The following EXOC6 variants were observed in gnomAD, a reference collection of about 807,000 sequenced individuals.
The protein encoded by EXOC6 is SEC15-like 1.
In EXOC6, 60 loss-of-function variants were observed where a neutral mutation model predicts 112.5. That is an observed-to-expected ratio of 0.53 (90% CI 0.43 to 0.66). The LOEUF is 0.66. EXOC6 is among the 30% of genes least tolerant of loss of function. The pLI is 0.00. For synonymous variants in EXOC6, 295 were observed against 308.0 expected, an observed-to-expected ratio of 0.96 and a Z score of 0.44; for missense variants, 855 against 957.1, an observed-to-expected ratio of 0.89 and a Z score of 1.41.
chr10:92,918,029 C>T (rs1038346351), intron 7 of EXOC6, among the ~76,000 whole-genome samples: 4 of 152,146 alleles, frequency 2.6e-5, no homozygotes, highest in Admixed American at 1.3e-4. Context: ...CCTGTATTCC[C>T]AGCTACTGGG....
chr10:92,999,045 T>C (rs1216799174), intron 19 of EXOC6, among the ~76,000 whole-genome samples: 1 of 152,078 alleles, frequency 6.6e-6, no homozygotes, highest in East Asian at 1.9e-4. Flanking sequence ...CTAATTTTTG[T>C]ATTTTTAGTA....
chr10:92,848,866 C>T (rs1240006206), intron 1 of EXOC6, among the ~76,000 whole-genome samples: 1 of 152,076 alleles, frequency 6.6e-6, no homozygotes, highest in Non-Finnish European at 1.5e-5. Context: ...AGCTGTCACC[C>T]CGCAGCCGGT....
At chr10:93,020,678 A>G (rs1039019161) in intron 20 of EXOC6, among the ~76,000 whole-genome samples, 2 of 152,148 alleles carry the variant, frequency 1.3e-5, no homozygotes, top group Non-Finnish European at 2.9e-5. Flanking sequence ...ATCTTTTGCC[A>G]TTGAGTTACT....
intron 13 of EXOC6, among the ~76,000 whole-genome samples, chr10:92,947,809 C>CA (rs1564853181): frequency 6.6e-6 from 1 of 152,118 alleles, no homozygotes; most frequent in Non-Finnish European, 1.5e-5. Context: ...GAGGCTGAGG[C>CA]AGCAGAATCA....
intron 6 of EXOC6, 88 bp from the exon 7 acceptor site, chr10:92,915,670 A>G (rs1193209793): frequency 2.2e-6 from 2 of 923,808 alleles, no homozygotes; most frequent in East Asian, 3.1e-5. Flanking sequence ...CATTAAAAAG[A>G]TAAAAAAAAA....
intron 18 of EXOC6, among the ~76,000 whole-genome samples, chr10:92,984,300 T>C (rs1486865460): frequency 6.6e-6 from 1 of 152,188 alleles, no homozygotes; most frequent in East Asian, 1.9e-4. Flanking sequence ...TTTTTCCTTT[T>C]TGATGAGTGA....
intron 14 of EXOC6, among the ~76,000 whole-genome samples, chr10:92,949,133 GT>G (rs1200967954): frequency 6.6e-6 from 1 of 151,990 alleles, no homozygotes; most frequent in Non-Finnish European, 1.5e-5. Context: ...CTTTATTCTT[GT>G]TTTTTTCTCC....
chr10:92,987,217 C>T (rs1843043140), intron 18 of EXOC6, among the ~76,000 whole-genome samples: 1 of 152,170 alleles, frequency 6.6e-6, no homozygotes, highest in Non-Finnish European at 1.5e-5. Context: ...TGAAGCTTAA[C>T]AAGCTGCATT....
chr10:93,058,335 G>GGTATGC lies in EXOC6; in HGVS notation c.2400_2401insCGTATG (p.Met800_Ser801insArgMet). ...GAAACAGCTGAGAAGTTTGGTGAAT[G>GGTATGC]GTATGTCCCAGCACATGTAGACCTC... On this transcript the variant is annotated inframe_insertion, in exon 22 of 22. Transcript: ENST00000260762. The GGTATGC allele has an allele frequency of 6.2e-7, 1 of 1,610,946 alleles. No individual in the cohort carries two copies. The highest frequency in any genetic ancestry group is 8.5e-7 in the Non-Finnish European group (1 of 1,179,386).
intron 6 of EXOC6, among the ~76,000 whole-genome samples, chr10:92,911,927 C>CGTG (rs1564823499): frequency 4.0e-5 from 4 of 99,512 alleles, no homozygotes; most frequent in Admixed American, 1.2e-4. Flanking sequence ...CTCTCTCTCT[C>CGTG]TCTCTGTGTG....
intron 20 of EXOC6, among the ~76,000 whole-genome samples, chr10:93,020,497 A>G (rs1013445968): frequency 2.6e-5 from 4 of 152,148 alleles, no homozygotes; most frequent in African/African-American, 9.7e-5. Flanking sequence ...GACATGGACC[A>G]TTGTTTTTCT....
chr10:92,859,551 C>G (rs1400050620), intron 1 of EXOC6, among the ~76,000 whole-genome samples: 6 of 152,158 alleles, frequency 3.9e-5, no homozygotes, highest in African/African-American at 1.4e-4. Flanking sequence ...GGCATATTAT[C>G]CCTTATATGC....
chr10:92,955,205 G>C (rs1853625533), intron 16 of EXOC6, among the ~76,000 whole-genome samples: 1 of 151,710 alleles, frequency 6.6e-6, no homozygotes. Flanking sequence ...GAGGGAAAAG[G>C]GTTCATATGG....
At chr10:93,008,793 C>T (rs1326433533) in intron 19 of EXOC6, among the ~76,000 whole-genome samples, 1 of 152,132 alleles carries the variant, frequency 6.6e-6, no homozygotes, top group Non-Finnish European at 1.5e-5. Flanking sequence ...AGTGGAAGAG[C>T]TCATGATTTA....
At chr10:92,879,401 A>G (rs1363930355) in intron 1 of EXOC6, among the ~76,000 whole-genome samples, 1 of 152,180 alleles carries the variant, frequency 6.6e-6, no homozygotes, top group Non-Finnish European at 1.5e-5. Flanking sequence ...CCTGAGGTCG[A>G]ACCTGTAGTG....
In EXOC6 at chr10:92,933,759, C is replaced by T. The variant is rs1410338208; in HGVS notation, c.973-385C>T. Among the ~76,000 whole-genome samples the T allele has an allele frequency of 3.3e-5, 5 of 152,028 alleles. No individual in the cohort carries two copies. In the East Asian group the frequency reaches 9.6e-4, roughly 29 times the overall value. ...AATCTGATTACTATTTGAAAAATAT[C>T]ATTCTGGCAGCTGGACAGGCTGGAA... On this transcript the variant is annotated intron_variant, in intron 9 of 21. Transcript: ENST00000260762.
chr10:92,900,481 G>C (rs1850101684), intron 5 of EXOC6: 1 of 152,022 alleles, frequency 6.6e-6, no homozygotes, highest in South Asian at 2.1e-4. Context: ...AATTTCATTA[G>C]GCTTTACCAG....
At chr10:92,920,500 C>T (rs1422471614) in intron 8 of EXOC6, among the ~76,000 whole-genome samples, 1 of 152,196 alleles carries the variant, frequency 6.6e-6, no homozygotes, top group African/African-American at 2.4e-5. Context: ...TTACCACTAC[C>T]TAATTCCAGA....
At chr10:92,838,608 C>G (rs1281632267) in intron 1 of EXOC6, among the ~76,000 whole-genome samples, 2 of 152,206 alleles carry the variant, frequency 1.3e-5, no homozygotes, top group Non-Finnish European at 2.9e-5. Context: ...TTAAAGCCAT[C>G]TCAGCCAACT....
Sources: gnomAD v4.1 joint callset for allele counts (sites outside exome capture counted in the v4.1 genomes callset) on GRCh38, gnomAD v4.1.1 for gene constraint, MANE v1.5 for transcripts, NCBI Gene and HGNC (gene_info 2026-07-23, HGNC 2026-07-21) for gene names.